The following LRRC8D variants were observed in gnomAD, a reference collection of about 807,000 sequenced individuals.
LRRC8D encodes the protein volume-regulated anion channel subunit LRRC8D.
In LRRC8D, 20 loss-of-function variants were observed where a neutral mutation model predicts 55.8. The observed-to-expected ratio is 0.36, with a 90% CI of 0.25 to 0.52. The LOEUF (loss-of-function observed/expected upper bound fraction) is 0.52, where lower values mean the gene tolerates loss of function less well. Ranked by LOEUF, LRRC8D falls within the 20% of genes least tolerant of loss-of-function variation. The pLI is 0.93. For missense variants in LRRC8D, 651 were observed against 1,030.8 expected, an observed-to-expected ratio of 0.63 and a Z score of 5.05; for synonymous variants, 352 against 377.0, an observed-to-expected ratio of 0.93 and a Z score of 0.77.
chr1:89,905,982 A>G (rs1002582241), intron 2 of LRRC8D, among the ~76,000 whole-genome samples: 2 of 152,222 alleles, frequency 1.3e-5, no homozygotes, highest in African/African-American at 4.8e-5. Context: ...GGGACATTGA[A>G]TGGGGAAGGA....
intron 2 of LRRC8D, among the ~76,000 whole-genome samples, chr1:89,884,445 G>A (rs1047803192): frequency 1.3e-5 from 2 of 152,234 alleles, no homozygotes; most frequent in Non-Finnish European, 2.9e-5. Flanking sequence ...TATATGCGAT[G>A]TTACACTCTA....
intron 2 of LRRC8D, among the ~76,000 whole-genome samples, chr1:89,857,382 CAAAAAAAAAAA>C (rs759975883): frequency 4.8e-5 from 3 of 63,044 alleles, no homozygotes; most frequent in South Asian, 5.1e-4. Context: ...AACTCCATCT[CAAAAAAAAAAA>C]AAAAAAAAAA....
At chr1:89,831,028 C>T (rs1466149820) in intron 1 of LRRC8D, among the ~76,000 whole-genome samples, 1 of 151,608 alleles carries the variant, frequency 6.6e-6, no homozygotes, top group Non-Finnish European at 1.5e-5. Flanking sequence ...ACCTCAGCCT[C>T]CTGAGTAGCT....
At chr1:89,822,447 A>G (rs1222275338) in intron 1 of LRRC8D, among the ~76,000 whole-genome samples, 3 of 152,218 alleles carry the variant, frequency 2.0e-5, no homozygotes, top group African/African-American at 4.8e-5. Context: ...ATCTTCAAAA[A>G]TATTTTTTTG....
At chr1:89,840,644 A>G (rs568811494) in intron 1 of LRRC8D, among the ~76,000 whole-genome samples, 2 of 152,352 alleles carry the variant, frequency 1.3e-5, no homozygotes, top group South Asian at 2.1e-4. Flanking sequence ...AAACTCTCCT[A>G]TATATCATTA....
At chr1:89,826,847 C>T (rs1216939049) in intron 1 of LRRC8D, among the ~76,000 whole-genome samples, 2 of 152,148 alleles carry the variant, frequency 1.3e-5, no homozygotes, top group Non-Finnish European at 2.9e-5. Flanking sequence ...TCCAGGGAAA[C>T]CACACTAGGA....
At chr1:89,888,455 T>G (rs1397454409) in intron 2 of LRRC8D, among the ~76,000 whole-genome samples, 1 of 152,230 alleles carries the variant, frequency 6.6e-6, no homozygotes, top group Non-Finnish European at 1.5e-5. Flanking sequence ...TAGCTTGATA[T>G]AGATACAAAA....
chr1:89,840,559 TAGC>T (rs1661109746), intron 1 of LRRC8D, among the ~76,000 whole-genome samples: 1 of 152,184 alleles, frequency 6.6e-6, no homozygotes, highest in African/African-American at 2.4e-5. Flanking sequence ...GGTGTGGACA[TAGC>T]AGCATAGGCG....
intron 1 of LRRC8D, among the ~76,000 whole-genome samples, chr1:89,826,288 G>A (rs528008485): frequency 1.5e-4 from 23 of 151,368 alleles, no homozygotes; most frequent in African/African-American, 2.7e-4. Flanking sequence ...TTTTTTAGAC[G>A]GAGTCTCGCT....
intron 2 of LRRC8D, among the ~76,000 whole-genome samples, chr1:89,906,866 T>C (rs763532998): frequency 2.0e-5 from 3 of 151,902 alleles, no homozygotes; most frequent in Non-Finnish European, 4.4e-5. Context: ...AGGCTGCATA[T>C]AGTTTGCTTT....
At chr1:89,897,589 C>A (rs1662744119) in intron 2 of LRRC8D, among the ~76,000 whole-genome samples, 1 of 152,208 alleles carries the variant, frequency 6.6e-6, no homozygotes, top group Admixed American at 6.5e-5. Context: ...TATACACACG[C>A]AGGACCTAGG....
intron 2 of LRRC8D, among the ~76,000 whole-genome samples, chr1:89,920,483 G>A (rs943622079): frequency 2.0e-5 from 3 of 151,686 alleles, no homozygotes; most frequent in Non-Finnish European, 4.4e-5. Context: ...TAAAAAAATT[G>A]TTTCAGTTAT....
chr1:89,896,493 A>G (rs1662716957), intron 2 of LRRC8D, among the ~76,000 whole-genome samples: 1 of 152,196 alleles, frequency 6.6e-6, no homozygotes, highest in Non-Finnish European at 1.5e-5. Flanking sequence ...TAGCTGAGAA[A>G]TACACACAGT....
rs1313656569 is a variant in LRRC8D, at chr1:89,843,641, G to C, written c.-144G>C. On this transcript the variant is annotated 5_prime_UTR_variant, in exon 2 of 3. Coordinates refer to ENST00000337338, the MANE Select transcript of LRRC8D (RefSeq NM_001134479.2). ...TCTCCCCTGTGTTTTCAAACAGGAA[G>C]TGCACGGCTGTCTATAACGTGCTGC... 1.4e-6 allele frequency: 1 copy of C among 702,464 alleles called. No homozygotes were observed. The highest frequency in any genetic ancestry group is 1.7e-5 in the African/African-American group (1 of 57,376). 43.5% of individuals were successfully genotyped at this position (702,464 alleles called of 1,614,324 possible).
rs144142247 is a variant in LRRC8D at position 89,916,081 on chromosome 1, T to C, written c.-2-16986T>C. The stretch of plus-strand genomic sequence containing the variant: ...TGAACTGCAGGCTGCTCAATTGCGA[T>C]TCAGTCCTACATCTCTACTAATGCT... On this transcript the variant is annotated intron_variant, in intron 2 of 2. Transcript: ENST00000337338. 2.0e-5 allele frequency among the ~76,000 whole-genome samples: 3 copies of C among 152,352 alleles called. No individual in the cohort carries two copies. In the East Asian group the frequency reaches 5.8e-4, roughly 29 times the overall value.
Position 89,932,201 on chromosome 1 carries a change from C to T in LRRC8D, c.-2-866C>T, listed in dbSNP as rs182226130. 4.1e-3 allele frequency among the ~76,000 whole-genome samples: 622 copies of T among 152,302 alleles called. 7 individuals carry two copies. The highest frequency in any genetic ancestry group is 0.014 in the African/African-American group (595 of 41,558). On this transcript the variant is annotated intron_variant, in intron 2 of 2. Coordinates refer to ENST00000337338, the MANE Select transcript of LRRC8D (RefSeq NM_001134479.2). The stretch of plus-strand genomic sequence containing the variant: ...GGCACCGGGGCTTCATTCATGGCTG[C>T]TCGGGTCACCTGCTTTGGTAGAGAT...
chr1:89,844,887 T>C (rs1661234786), intron 2 of LRRC8D, among the ~76,000 whole-genome samples: 1 of 152,196 alleles, frequency 6.6e-6, no homozygotes, highest in Admixed American at 6.5e-5. Flanking sequence ...TTATATGGCC[T>C]CAAATTAAAT....
intron 1 of LRRC8D, among the ~76,000 whole-genome samples, chr1:89,838,010 T>A (rs1661039366): frequency 6.6e-6 from 1 of 152,146 alleles, no homozygotes; most frequent in Non-Finnish European, 1.5e-5. Context: ...TTTATTTGAC[T>A]TTTTAGGATC....
Position 89,826,790 on chromosome 1 carries a change from A to G in LRRC8D, c.-148+5499A>G, listed in dbSNP as rs529306029. On this transcript the variant is annotated intron_variant, in intron 1 of 2. Transcript: ENST00000337338. Reference sequence around the variant, plus strand: ...CACAGTGGAATTTCTAGGTTTGCAGATGACAGCTTTTCTGGATTATGAAAT... The same window carrying G: ...CACAGTGGAATTTCTAGGTTTGCAGGTGACAGCTTTTCTGGATTATGAAAT... 2.8e-4 allele frequency among the ~76,000 whole-genome samples: 43 copies of G among 152,332 alleles called. No individual in the cohort carries two copies. The East Asian group carries it at 8.1e-3, about 29-fold the overall frequency.
Sources: allele counts gnomAD v4.1 joint callset (sites outside exome capture counted in the v4.1 genomes callset), GRCh38; gene constraint gnomAD v4.1.1; transcripts MANE v1.5; gene names NCBI Gene and HGNC (gene_info 2026-07-23, HGNC 2026-07-21).